Variants in AKAP13 observed in about 807,000 individuals in gnomAD.
The protein encoded by AKAP13 is A-kinase anchor protein 13.
In AKAP13, 80 loss-of-function variants were observed where a neutral mutation model predicts 264.5. The observed-to-expected ratio is 0.30, with a 90% CI of 0.25 to 0.36. The LOEUF is 0.36. Ranked by LOEUF, AKAP13 falls within the 10% of genes least tolerant of loss-of-function variation. The pLI, the probability that AKAP13 is intolerant of heterozygous loss-of-function variation, is 1.00. For synonymous variants in AKAP13, 1,380 were observed against 1,250.2 expected, an observed-to-expected ratio of 1.10 and a Z score of -2.19; for missense variants, 3,712 against 3,435.2, an observed-to-expected ratio of 1.08 and a Z score of -2.01.
At chr15:85,719,408 CT>C in intron 23 of AKAP13, 82 bp downstream of exon 23, 1 of 1,509,502 alleles carries the variant, frequency 6.6e-7, no homozygotes, top group Non-Finnish European at 9.0e-7. Context: ...GCATTCACAT[CT>C]TCTTTCTACC....
intron 3 of AKAP13, among the ~76,000 whole-genome samples, chr15:85,531,243 T>G (rs1258768848): frequency 6.6e-6 from 1 of 152,206 alleles, no homozygotes; most frequent in African/African-American, 2.4e-5. Flanking sequence ...CTCCCCAGAT[T>G]GCACTGTATT....
Position 85,727,784 on chromosome 15 carries a change from C to T in AKAP13, c.7087+321C>T, listed in dbSNP as rs145643984. Among the ~76,000 whole-genome samples, 458 of 152,304 alleles carry T rather than the reference C, an allele frequency of 3.0e-3. 1 individual carries two copies. The highest frequency in any genetic ancestry group is 9.6e-3 in the African/African-American group (398 of 41,544). On this transcript the variant is annotated intron_variant, in intron 29 of 36. Coordinates refer to ENST00000394518, the MANE Select transcript of AKAP13 (RefSeq NM_007200.5). The surrounding 1 kb of genome is among the most constrained non-coding windows in gnomAD (Gnocchi z 5.3). ...GCGAATTTGCCAAAATTTGTAGTCA[C>T]ATCTAAGATTAAAACAAGGAGAGAA...
At chr15:85,725,825 G>A (rs550580756) in intron 26 of AKAP13, among the ~76,000 whole-genome samples, 10 of 152,316 alleles carry the variant, frequency 6.6e-5, no homozygotes, top group African/African-American at 2.4e-4. Flanking sequence ...ATGGAGCTGA[G>A]GAAAGAGCCC....
intron 1 of AKAP13, among the ~76,000 whole-genome samples, chr15:85,482,759 A>G (rs2075390134): frequency 6.6e-6 from 1 of 152,220 alleles, no homozygotes; most frequent in Non-Finnish European, 1.5e-5. Context: ...TAAATGTAAT[A>G]TCAAATATAA....
Position 85,585,828 on chromosome 15 carries a change from G to A in AKAP13, c.4161+5G>A, listed in dbSNP as rs2079314646. ...CAAGGCCCAATGACCCAGGCGGTAA[G>A]TGGCATCAGTAAGTCTATAAGGGCA... On this transcript the variant is annotated splice_donor_5th_base_variant and intron_variant, in intron 8 of 36. Coordinates refer to ENST00000394518, the MANE Select transcript of AKAP13 (RefSeq NM_007200.5). 1 of 1,613,832 alleles carries A rather than the reference G, an allele frequency of 6.2e-7. No individual in the cohort carries two copies. Among genetic ancestry groups the A allele is most frequent in the African/African-American group, 1.3e-5 (1 of 74,936 alleles).
intron 17 of AKAP13, among the ~76,000 whole-genome samples, chr15:85,707,425 G>C (rs2086357691): frequency 6.6e-6 from 1 of 152,206 alleles, no homozygotes; most frequent in African/African-American, 2.4e-5. Flanking sequence ...GGGGGTTCCA[G>C]TGACCTTTCA....
At chr15:85,407,429 A>G (rs2071725890) in intron 1 of AKAP13, among the ~76,000 whole-genome samples, 1 of 151,464 alleles carries the variant, frequency 6.6e-6, no homozygotes. Context: ...TAGTAGAGAC[A>G]GGGTTTCACC....
chr15:85,730,511 A>G lies in AKAP13; in HGVS notation c.7088-2A>G. 1.2e-6 allele frequency: 2 copies of G among 1,613,406 alleles called. No homozygotes were observed. The highest frequency in any genetic ancestry group is 1.7e-6 in the Non-Finnish European group (2 of 1,179,448). ...TCACAGATCATTTTCTCCTTCCTGC[A>G]GAACAACTTCACCAGAAGGACCAAA... is the stretch of plus-strand genomic sequence containing the variant. On this transcript the variant is annotated splice_acceptor_variant, in intron 29 of 36. Transcript: ENST00000394518. LOFTEE classifies it high-confidence loss of function.
chr15:85,639,374 A>G lies in AKAP13; in HGVS notation c.4162A>G (p.Ile1388Val), dbSNP rs754480066. 7 of 1,608,112 alleles carry G rather than the reference A, an allele frequency of 4.4e-6. No individual in the cohort carries two copies. Among genetic ancestry groups the G allele is most frequent in the Non-Finnish European group, 5.9e-6 (7 of 1,177,466 alleles). ...ACTCTGTGTTTTCTTTTTCTTTCAG[A>G]TAAACCGAGAAAACTGGTGTACAAT... ...KMKQGPMTQA[I>V]NRENWCTIEP... Residue 1388 changes from isoleucine to valine, a missense_variant and splice_region_variant, in exon 9 of 37, where the codon ATA becomes GTA. Around this residue, in one of 3 missense-constraint regions of AKAP13, gnomAD observed 2,759 missense variants for 2,411.7 expected, o/e 1.14. Coordinates refer to ENST00000394518, the MANE Select transcript of AKAP13 (RefSeq NM_007200.5).
intron 14 of AKAP13, among the ~76,000 whole-genome samples, chr15:85,674,426 T>C (rs1045444299): frequency 6.6e-6 from 1 of 152,200 alleles, no homozygotes; most frequent in Non-Finnish European, 1.5e-5. Flanking sequence ...ATCATATATA[T>C]GCAAATATTC....
rs141716128 is a variant in AKAP13, at chr15:85,682,678, T to C, written c.5156+466T>C. Among the ~76,000 whole-genome samples the C allele has an allele frequency of 1.2e-4, 18 of 152,340 alleles. No homozygotes were observed. In the East Asian group the frequency reaches 3.5e-3, roughly 29 times the overall value. On this transcript the variant is annotated intron_variant, in intron 15 of 36. Coordinates refer to ENST00000394518, the MANE Select transcript of AKAP13 (RefSeq NM_007200.5). ...AGTAAACGAATTGATTCTTTTTTTT[T>C]TCTTTTGAGACAGAGTTTCGCTCTT...
rs1234414698 is a variant in AKAP13 at position 85,708,501 on chromosome 15, G to A, written c.5532+415G>A. ...ACCTGCTGGTGGGGGTGGGGAGGGT[G>A]TTATGGTTAGCCCCAGCCTGTCTGG... On this transcript the variant is annotated intron_variant, in intron 18 of 36. Coordinates refer to ENST00000394518, the MANE Select transcript of AKAP13 (RefSeq NM_007200.5). This position sits in a 1 kb window ranked among gnomAD's most constrained non-coding sequence, Gnocchi z 4.3. Among the ~76,000 whole-genome samples the A allele has an allele frequency of 1.3e-5, 2 of 152,142 alleles. No individual in the cohort carries two copies. Among genetic ancestry groups the A allele is most frequent in the Non-Finnish European group, 2.9e-5 (2 of 68,032 alleles).
At chr15:85,508,462 G>A (rs769259030) in intron 2 of AKAP13, among the ~76,000 whole-genome samples, 1 of 150,946 alleles carries the variant, frequency 6.6e-6, no homozygotes, top group African/African-American at 2.4e-5. Flanking sequence ...TTTTTTTAAA[G>A]GTAAGGGGTT....
chr15:85,589,593 T>TG (rs1177707534), intron 8 of AKAP13, among the ~76,000 whole-genome samples: 100 of 122,472 alleles, frequency 8.2e-4, no homozygotes, highest in South Asian at 3.4e-3. Flanking sequence ...TTGTCTCCAC[T>TG]AAAAAAAAAA....
At chr15:85,682,317 T>A in intron 15 of AKAP13, 105 bp downstream of exon 15, 1 of 1,177,696 alleles carries the variant, frequency 8.5e-7, no homozygotes, top group Non-Finnish European at 1.2e-6. Context: ...CTTATTGGGT[T>A]CTTCTTTGAG....
intron 5 of AKAP13, among the ~76,000 whole-genome samples, chr15:85,550,697 A>G (rs1199134662): frequency 6.6e-6 from 1 of 152,226 alleles, no homozygotes; most frequent in Non-Finnish European, 1.5e-5. Flanking sequence ...GATGAAACAA[A>G]TGTACAGACA....
chr15:85,430,654 T>C (rs1231863113), intron 1 of AKAP13, among the ~76,000 whole-genome samples: 1 of 152,222 alleles, frequency 6.6e-6, no homozygotes, highest in African/African-American at 2.4e-5. Context: ...TGCCTTTTGT[T>C]CTAACATGTC....
chr15:85,450,634 A>G lies in AKAP13; in HGVS notation c.-11-35076A>G, dbSNP rs1024978921. 3.4e-4 allele frequency among the ~76,000 whole-genome samples: 51 copies of G among 152,054 alleles called. 1 individual carries two copies. The highest frequency in any genetic ancestry group is 2.5e-4 in the Non-Finnish European group (17 of 68,014). ...ATTTACCTAAAAGTCATTCAGGAGCATGTTCTTATTTTCCATGTAATTGGA... is the reference window on the plus strand; with the variant it reads ...ATTTACCTAAAAGTCATTCAGGAGCGTGTTCTTATTTTCCATGTAATTGGA... On this transcript the variant is annotated intron_variant, in intron 1 of 36. Coordinates refer to ENST00000394518, the MANE Select transcript of AKAP13 (RefSeq NM_007200.5).
At chr15:85,443,247 T>A (rs1285434258) in intron 1 of AKAP13, among the ~76,000 whole-genome samples, 2 of 152,150 alleles carry the variant, frequency 1.3e-5, no homozygotes, top group African/African-American at 4.8e-5. Context: ...TCTCTTCTCC[T>A]TTCTGTATTG....
Sources: gnomAD v4.1 joint callset for allele counts (sites outside exome capture counted in the v4.1 genomes callset) on GRCh38, gnomAD v4.1.1 for gene constraint, gnomAD v4.1.1 regional missense constraint, Gnocchi (gnomAD v3.1) non-coding constraint, MANE v1.5 for transcripts, NCBI Gene and HGNC (gene_info 2026-07-23, HGNC 2026-07-21) for gene names.